Variants in TEKT1 observed in about 807,000 individuals in gnomAD.
TEKT1 encodes tektin 1, also known as tektin-1.
Under a neutral mutation model 34.8 loss-of-function variants are expected in TEKT1, and 32 were observed. That is an observed-to-expected ratio of 0.92 (90% confidence interval 0.69 to 1.23). TEKT1 has a LOEUF of 1.23. TEKT1 is among the 50% of genes most tolerant of loss of function. The pLI, the probability that TEKT1 is intolerant of heterozygous loss-of-function variation, is 0.00. For missense variants in TEKT1, 492 were observed against 518.5 expected, an observed-to-expected ratio of 0.95 and a Z score of 0.50; for synonymous variants, 207 against 199.8, an observed-to-expected ratio of 1.04 and a Z score of -0.30.
At chr17:6,816,067 T>C (rs949493791) in intron 3 of TEKT1, 105 bp from the exon 4 acceptor site, 239 of 1,476,126 alleles carry the variant, frequency 1.6e-4, no homozygotes, top group Middle Eastern at 2.1e-4. Context: ...CTGATTTGAG[T>C]GTCACCCGAT....
Position 6,830,406 on chromosome 17 carries a change from A to T in TEKT1, c.-17-13T>A. The T allele has an allele frequency of 6.7e-7, 1 of 1,499,848 alleles. No individual in the cohort carries two copies. Among genetic ancestry groups the T allele is most frequent in the Non-Finnish European group, 9.0e-7 (1 of 1,116,672 alleles). 92.9% of individuals were successfully genotyped at this position (1,499,848 alleles called of 1,614,324 possible). A position where few individuals can be genotyped will look rare whatever the true frequency, so the allele number is the denominator to read the frequency against. ...GGTTTCCAAATTCCTGATCAAAAGCAGACTCTTTTAGATTAAATGAAAGCA... is the reference window on the plus strand; with the variant it reads ...GGTTTCCAAATTCCTGATCAAAAGCTGACTCTTTTAGATTAAATGAAAGCA... On this transcript the variant is annotated splice_polypyrimidine_tract_variant and intron_variant, in intron 1 of 7. Transcript: ENST00000338694.
At chr17:6,808,982 T>G (rs1976888021) in intron 6 of TEKT1, among the ~76,000 whole-genome samples, 1 of 152,142 alleles carries the variant, frequency 6.6e-6, no homozygotes, top group African/African-American at 2.4e-5. Context: ...GAAATAAGAT[T>G]TTTTTTAAGT....
intron 5 of TEKT1, among the ~76,000 whole-genome samples, chr17:6,814,581 G>A (rs1403320854): frequency 1.3e-5 from 2 of 152,324 alleles, no homozygotes; most frequent in East Asian, 3.9e-4. Context: ...GCTCACGCCT[G>A]TAATCCCAGC....
At chr17:6,805,402 T>C (rs1255542610) in intron 6 of TEKT1, among the ~76,000 whole-genome samples, 1 of 152,206 alleles carries the variant, frequency 6.6e-6, no homozygotes, top group Non-Finnish European at 1.5e-5. Context: ...TTGTTGATCT[T>C]TTCAAAAAAC....
At chr17:6,803,342 C>G (rs1386235042) in intron 6 of TEKT1, among the ~76,000 whole-genome samples, 4 of 151,870 alleles carry the variant, frequency 2.6e-5, no homozygotes, top group South Asian at 2.1e-4. Context: ...GGAGTTCATT[C>G]TAGATTCTGG....
chr17:6,804,210 C>T (rs1203943079), intron 6 of TEKT1, among the ~76,000 whole-genome samples: 1 of 152,028 alleles, frequency 6.6e-6, no homozygotes, highest in East Asian at 1.9e-4. Context: ...GTATTTTATT[C>T]TCTTTGAAGC....
chr17:6,805,786 T>A lies in TEKT1; in HGVS notation c.853-4843A>T, dbSNP rs1019905208. On this transcript the variant is annotated intron_variant, in intron 6 of 7. Coordinates refer to ENST00000338694, the MANE Select transcript of TEKT1 (RefSeq NM_053285.2). ...ATGTAGTTGAGTGGTTTTGAGTGAG[T>A]TTCTTAATCCTGAGTTCTAGTTTGA... Among the ~76,000 whole-genome samples, 6 of 152,136 alleles carry A rather than the reference T, an allele frequency of 3.9e-5. No homozygotes were observed. In the South Asian group the frequency reaches 1.2e-3, roughly 31 times the overall value.
At chr17:6,818,235 C>A (rs1007698896) in intron 3 of TEKT1, among the ~76,000 whole-genome samples, 3 of 152,144 alleles carry the variant, frequency 2.0e-5, no homozygotes, top group Non-Finnish European at 4.4e-5. Flanking sequence ...GGATTCTAAG[C>A]ATGGCGGTGA....
At chr17:6,816,035 A>T in intron 3 of TEKT1, 73 bp from the exon 4 acceptor site, 1 of 1,584,090 alleles carries the variant, frequency 6.3e-7, no homozygotes, top group Non-Finnish European at 8.6e-7. Flanking sequence ...TAATGGCTGC[A>T]CACTCAGAAC....
chr17:6,800,138 G>A lies in TEKT1; in HGVS notation c.1146C>T (p.Thr382=), dbSNP rs765256866. 1 of 1,614,050 alleles carries A rather than the reference G, an allele frequency of 6.2e-7. No individual in the cohort carries two copies. The highest frequency in any genetic ancestry group is 8.5e-7 in the Non-Finnish European group (1 of 1,180,046). The change falls in exon 8 of 8, where the codon ACC becomes ACT. Residue 382 remains threonine (T), a synonymous_variant. Transcript: ENST00000338694. Reference sequence around the variant, plus strand: ...TACACAGCACTTCGTCGATATAAATGGTGTTCTCTTTGACCTGGATCTCCT... The same window carrying A: ...TACACAGCACTTCGTCGATATAAATAGTGTTCTCTTTGACCTGGATCTCCT... ...LQEEIQVKEN[T]IYIDEVLCMQ... is the part of the protein sequence containing the mutation.
chr17:6,827,257 A>ACTT (rs528734641), intron 2 of TEKT1, among the ~76,000 whole-genome samples: 2 of 124,276 alleles, frequency 1.6e-5, no homozygotes, highest in African/African-American at 6.9e-5. Flanking sequence ...AGTTGTGCCA[A>ACTT]TTTTTTTTTT....
chr17:6,818,261 A>G (rs1183884284), intron 3 of TEKT1, among the ~76,000 whole-genome samples: 1 of 152,136 alleles, frequency 6.6e-6, no homozygotes, highest in Non-Finnish European at 1.5e-5. Flanking sequence ...AAAAATCTGC[A>G]TTTGGAAAAG....
chr17:6,819,332 A>G lies in TEKT1; in HGVS notation c.217T>C (p.Trp73Arg), dbSNP rs1392732062. Residue 73 changes from tryptophan (W) to arginine (R), a missense_variant, in exon 3 of 8, where the codon TGG becomes CGG. Trp to Arg is a moderately radical substitution (Grantham distance 101). Coordinates refer to ENST00000338694, the MANE Select transcript of TEKT1 (RefSeq NM_053285.2). Reference sequence around the variant, plus strand: ...AGTTTGTCATCTAACTCCTTCTTCCAGAACTGGACTTCCTCGAGTCTCTGT... The same window carrying G: ...AGTTTGTCATCTAACTCCTTCTTCCGGAACTGGACTTCCTCGAGTCTCTGT... ...LEQRLEEVQF[W>R]KKELDDKLEQ... 8 of 1,613,822 alleles carry G rather than the reference A, an allele frequency of 5.0e-6. No individual in the cohort carries two copies. Among genetic ancestry groups the G allele is most frequent in the African/African-American group, 1.3e-5 (1 of 74,930 alleles).
intron 2 of TEKT1, among the ~76,000 whole-genome samples, chr17:6,826,698 TA>T (rs138231043): frequency 0.072 from 10,771 of 149,000 alleles, 1,391 homozygotes; most frequent in African/African-American, 0.25. Flanking sequence ...GGATTATTAT[TA>T]TTTTTTTTTT....
Position 6,830,367 on chromosome 17 carries a change from G to A in TEKT1, c.10C>T (p.Leu4=), listed in dbSNP as rs1303788246. The part of the protein sequence containing the change: MAK[L]LQPPPKFLPS... ...AGGAACTTGGGTGGAGGTTGTAATA[G>A]TTTAGCCATTTGAGGTTTCCAAATT... The change falls in exon 2 of 8, where the codon CTA becomes TTA. Residue 4 remains leucine, a synonymous_variant. Transcript: ENST00000338694. The A allele has an allele frequency of 1.9e-6, 3 of 1,575,340 alleles. No individual in the cohort carries two copies. The highest frequency in any genetic ancestry group is 2.6e-6 in the Non-Finnish European group (3 of 1,166,886).
At position 6,798,422 on chromosome 17, in the gene TEKT1, A is replaced by G. The variant is rs1382388339; in HGVS notation, c.*1605T>C. On this transcript the variant is annotated 3_prime_UTR_variant, in exon 8 of 8. Coordinates refer to ENST00000338694, the MANE Select transcript of TEKT1 (RefSeq NM_053285.2). The stretch of plus-strand genomic sequence containing the variant: ...CCTCAAAACCCTGCTAAGTTAGCAG[A>G]AACTCTGAGGTCTGCCCAGTGAGCT... The G allele has an allele frequency of 6.6e-6, 1 of 152,278 alleles. No individual in the cohort carries two copies. Among genetic ancestry groups the G allele is most frequent in the Admixed American group, 6.5e-5 (1 of 15,284 alleles). 9.4% of individuals were successfully genotyped at this position (152,278 alleles called of 1,614,324 possible).
chr17:6,819,369 C>T lies in TEKT1; in HGVS notation c.191-11G>A, dbSNP rs28413775. On this transcript the variant is annotated splice_polypyrimidine_tract_variant and intron_variant, in intron 2 of 7. Coordinates refer to ENST00000338694, the MANE Select transcript of TEKT1 (RefSeq NM_053285.2). ...CCTCGAGTCTCTGTTCTGAAGCACA[C>T]GGGGAAGTTACACCAGGGCTAATCT... The T allele has an allele frequency of 9.8e-3, 15,788 of 1,607,334 alleles. 1,014 individuals are homozygous for T. In the African/African-American group the frequency reaches 0.16, roughly 16 times the overall value.
intron 6 of TEKT1, among the ~76,000 whole-genome samples, chr17:6,805,115 G>C (rs1394904532): frequency 6.6e-6 from 1 of 152,150 alleles, no homozygotes. Flanking sequence ...TGGTTGGTAA[G>C]CTATTAACTA....
At chr17:6,812,505 C>T (rs1976942051) in intron 6 of TEKT1, among the ~76,000 whole-genome samples, 1 of 152,170 alleles carries the variant, frequency 6.6e-6, no homozygotes, top group African/African-American at 2.4e-5. Flanking sequence ...GGAGGAGTGG[C>T]AACTGGAGTG....
Sources: gnomAD v4.1 joint callset for allele counts (sites outside exome capture counted in the v4.1 genomes callset) on GRCh38, gnomAD v4.1.1 for gene constraint, MANE v1.5 for transcripts, NCBI Gene and HGNC (gene_info 2026-07-23, HGNC 2026-07-21) for gene names.